CDKN2B-AS1: variants seen among roughly 807,000 people sequenced by gnomAD.
The protein encoded by CDKN2B-AS1 is CDKN2B and CDKN2A antisense cis and trans regulatory RNA 1, also known as CDKN2B antisense RNA 1 (non-protein coding).
rs116876910 is a variant in CDKN2B-AS1, at chr9:22,014,412, G to A, written n.29+19251G>A. ...GGGCTCAGCCTCCTAAGCTCCTCCTGCTTCAGCCTCCCAAAGTGTTGGGAT... is the reference window on the plus strand; with the variant it reads ...GGGCTCAGCCTCCTAAGCTCCTCCTACTTCAGCCTCCCAAAGTGTTGGGAT... On this transcript the variant is annotated intron_variant and non_coding_transcript_variant, in intron 1 of 4. Transcript: ENST00000650946. 9.0e-3 allele frequency among the ~76,000 whole-genome samples: 1,375 copies of A among 152,114 alleles called. 113 individuals carry two copies. In the East Asian group the frequency reaches 0.2, roughly 22 times the overall value.
chr9:22,104,773 T>C (rs1481159538), intron 4 of CDKN2B-AS1, among the ~76,000 whole-genome samples: 1 of 152,232 alleles, frequency 6.6e-6, no homozygotes, highest in Non-Finnish European at 1.5e-5. Context: ...CTGTTATTGT[T>C]CTCAAATGAC....
At chr9:22,025,652 C>T (rs1012539030) in intron 1 of CDKN2B-AS1, among the ~76,000 whole-genome samples, 12 of 152,298 alleles carry the variant, frequency 7.9e-5, no homozygotes, top group East Asian at 5.8e-4. Flanking sequence ...GGAGGTGTCA[C>T]CAGTGAAAGC....
rs989080483 is a variant in CDKN2B-AS1, at chr9:22,005,516, G to T, written n.29+10355G>T. On this transcript the variant is annotated intron_variant and non_coding_transcript_variant, in intron 1 of 4. Transcript: ENST00000650946. This position sits in a 1 kb window ranked among gnomAD's most constrained non-coding sequence, Gnocchi z 4.9. ...TCAGGTTTTCCTTTCTGCCGCTAGG[G>T]CCTAAGTTGTGGGTTCACCATAACT... 3.4e-6 allele frequency: 1 copy of T among 294,960 alleles called. No individual in the cohort carries two copies. The highest frequency in any genetic ancestry group is 6.4e-6 in the Non-Finnish European group (1 of 155,736). 18.3% of individuals were successfully genotyped at this position (294,960 alleles called of 1,614,324 possible).
intron 3 of CDKN2B-AS1, among the ~76,000 whole-genome samples, chr9:22,051,019 G>A (rs1226285497): frequency 6.6e-6 from 1 of 152,174 alleles, no homozygotes; most frequent in Non-Finnish European, 1.5e-5. Context: ...ATGACACAAG[G>A]AAACACTTGG....
chr9:22,002,171 C>T (rs750505909), intron 1 of CDKN2B-AS1, among the ~76,000 whole-genome samples: 8 of 151,984 alleles, frequency 5.3e-5, no homozygotes, highest in South Asian at 2.1e-4. Context: ...ATCTAGTAAA[C>T]GTGTCAGAAT....
At chr9:22,096,668 A>G (rs1032151365) in intron 4 of CDKN2B-AS1, among the ~76,000 whole-genome samples, 1 of 152,110 alleles carries the variant, frequency 6.6e-6, no homozygotes, top group African/African-American at 2.4e-5. Flanking sequence ...CCACCTCTCC[A>G]ATTTTTCACC....
intron 1 of CDKN2B-AS1, chr9:22,004,499 T>C (rs1209612558): frequency 1.3e-5 from 3 of 232,496 alleles, no homozygotes; most frequent in African/African-American, 6.6e-5. Context: ...ACCTTTAACA[T>C]TTCTCAGGAG....
At chr9:22,070,079 G>A (rs906243461) in intron 4 of CDKN2B-AS1, among the ~76,000 whole-genome samples, 1 of 152,080 alleles carries the variant, frequency 6.6e-6, no homozygotes, top group Non-Finnish European at 1.5e-5. Flanking sequence ...CCTCACAATG[G>A]TTAGAAAGCA....
At chr9:22,090,656 C>T (rs891254889) in intron 4 of CDKN2B-AS1, among the ~76,000 whole-genome samples, 2 of 152,142 alleles carry the variant, frequency 1.3e-5, no homozygotes, top group African/African-American at 4.8e-5. Context: ...ATATCCTTCA[C>T]CCACTTTTTG....
rs1587518213 is a variant in CDKN2B-AS1 at position 22,091,202 on chromosome 9, C to A, written n.438+34815C>A. On this transcript the variant is annotated intron_variant and non_coding_transcript_variant, in intron 4 of 4. Coordinates refer to ENST00000650946, the Ensembl canonical transcript of CDKN2B-AS1. ...TTGGTCTATATCTCTGTTTTGGTAC[C>A]AGTACCATGCTGTTTTGGTTACTGT... 2.0e-5 allele frequency among the ~76,000 whole-genome samples: 3 copies of A among 152,240 alleles called. No homozygotes were observed. In the East Asian group the frequency reaches 5.8e-4, roughly 29 times the overall value.
intron 1 of CDKN2B-AS1, among the ~76,000 whole-genome samples, chr9:22,032,510 C>G (rs894901462): frequency 6.6e-6 from 1 of 152,156 alleles, no homozygotes; most frequent in African/African-American, 2.4e-5. Context: ...GTAGAAGGTG[C>G]TCAACAAAGG....
At chr9:22,048,876 A>G (rs776890169) in intron 2 of CDKN2B-AS1, among the ~76,000 whole-genome samples, 5 of 152,190 alleles carry the variant, frequency 3.3e-5, no homozygotes, top group Admixed American at 2.0e-4. Flanking sequence ...TTCTAATTTG[A>G]AAATGGAAAT....
chr9:22,006,368 A>G lies in CDKN2B-AS1; in HGVS notation n.29+11207A>G. 2 of 1,344,128 alleles carry G rather than the reference A, an allele frequency of 1.5e-6. No individual in the cohort carries two copies. The highest frequency in any genetic ancestry group is 2.1e-6 in the Non-Finnish European group (2 of 972,728). 83.3% of individuals were successfully genotyped at this position (1,344,128 alleles called of 1,614,324 possible). A position where few individuals can be genotyped will look rare whatever the true frequency, so the allele number is the denominator to read the frequency against. On this transcript the variant is annotated intron_variant and non_coding_transcript_variant, in intron 1 of 4. Transcript: ENST00000650946. This position sits in a 1 kb window ranked among gnomAD's most constrained non-coding sequence, Gnocchi z 6.4. ...TAATTGCAAAGTTTTCACCCAGTGCAGAGGTGTTCAGGTCTCTGATGTCTG... is the reference window on the plus strand; with the variant it reads ...TAATTGCAAAGTTTTCACCCAGTGCGGAGGTGTTCAGGTCTCTGATGTCTG...
intron 1 of CDKN2B-AS1, among the ~76,000 whole-genome samples, chr9:22,036,885 G>A (rs994266986): frequency 6.6e-6 from 1 of 152,076 alleles, no homozygotes; most frequent in Non-Finnish European, 1.5e-5. Flanking sequence ...TAATACTGTG[G>A]TTAGATTCTG....
At chr9:22,111,037 T>A (rs562727827) in intron 4 of CDKN2B-AS1, among the ~76,000 whole-genome samples, 1 of 152,312 alleles carries the variant, frequency 6.6e-6, no homozygotes, top group African/African-American at 2.4e-5. Flanking sequence ...CTGAAAAATA[T>A]TCTATTGGAT....
At chr9:22,110,396 T>A (rs1430470474) in intron 4 of CDKN2B-AS1, among the ~76,000 whole-genome samples, 1 of 152,198 alleles carries the variant, frequency 6.6e-6, no homozygotes, top group Non-Finnish European at 1.5e-5. Flanking sequence ...CTAATAGGAC[T>A]GTGGATTTAA....
intron 1 of CDKN2B-AS1, among the ~76,000 whole-genome samples, chr9:22,011,066 G>A (rs1048584226): frequency 1.3e-5 from 2 of 152,192 alleles, no homozygotes; most frequent in African/African-American, 2.4e-5. Flanking sequence ...ACAACTTTGG[G>A]TAGGGAAAAC....
Position 22,000,468 on chromosome 9 carries a change from G to A in CDKN2B-AS1, n.29+5307G>A, listed in dbSNP as rs1330574766. 1.3e-5 allele frequency among the ~76,000 whole-genome samples: 2 copies of A among 152,156 alleles called. No homozygotes were observed. Among genetic ancestry groups the A allele is most frequent in the African/African-American group, 2.4e-5 (1 of 41,436 alleles). ...GTCCAGAGATTAGCAAATAATAGAG[G>A]ATGATCAAATGTTTTTCAGAAAATA... is the stretch of plus-strand genomic sequence containing the variant. On this transcript the variant is annotated intron_variant and non_coding_transcript_variant, in intron 1 of 4. Coordinates refer to ENST00000650946, the Ensembl canonical transcript of CDKN2B-AS1. The surrounding 1 kb of genome is among the most constrained non-coding windows in gnomAD (Gnocchi z 4.1).
At chr9:22,029,952 A>T (rs1822400207) in intron 1 of CDKN2B-AS1, 1 of 153,510 alleles carries the variant, frequency 6.5e-6, no homozygotes, top group African/African-American at 2.4e-5. Flanking sequence ...TTCCCACTGT[A>T]GTGAGCTATA....
Sources: allele counts gnomAD v4.1 joint callset (sites outside exome capture counted in the v4.1 genomes callset), GRCh38; gene constraint gnomAD v4.1.1; non-coding constraint Gnocchi (gnomAD v3.1); transcripts MANE v1.5; gene names NCBI Gene and HGNC (gene_info 2026-07-23, HGNC 2026-07-21).